UBE2R2: variants seen among roughly 807,000 people sequenced by gnomAD.
UBE2R2 encodes ubiquitin conjugating enzyme E2 R2.
Under a neutral mutation model 27.8 loss-of-function variants are expected in UBE2R2, and 1 was observed. The observed-to-expected ratio is 0.04, with a 90% CI of 0.01 to 0.17. The LOEUF (loss-of-function observed/expected upper bound fraction) is 0.17. Ranked by LOEUF, UBE2R2 falls within the 10% of genes least tolerant of loss-of-function variation. UBE2R2 has a pLI of 1.00. For synonymous variants in UBE2R2, 106 were observed against 113.3 expected (o/e 0.94, Z 0.41); for missense variants, 100 against 291.0 (o/e 0.34, Z 4.78).
chr9:33,871,843 T>C (rs1420190410), intron 1 of UBE2R2, among the ~76,000 whole-genome samples: 2 of 152,178 alleles, frequency 1.3e-5, no homozygotes, highest in Non-Finnish European at 2.9e-5. Flanking sequence ...CCTGAGTAGC[T>C]GGGACTACAG....
chr9:33,856,548 T>C (rs1284156267), intron 1 of UBE2R2, among the ~76,000 whole-genome samples: 1 of 152,134 alleles, frequency 6.6e-6, no homozygotes, highest in Admixed American at 6.6e-5. Context: ...CAGCCTTACC[T>C]TTACCACCAT....
chr9:33,833,446 G>A (rs1820542732), intron 1 of UBE2R2, among the ~76,000 whole-genome samples: 2 of 152,082 alleles, frequency 1.3e-5, no homozygotes, highest in Admixed American at 6.6e-5. Context: ...CACCTGCCTC[G>A]GCCTCCCAAA....
At chr9:33,891,816 T>C (rs1821993151) in intron 2 of UBE2R2, among the ~76,000 whole-genome samples, 2 of 151,566 alleles carry the variant, frequency 1.3e-5, no homozygotes, top group African/African-American at 4.8e-5. Context: ...TGCAAAACTT[T>C]CTGTTGTTGT....
chr9:33,848,837 C>T (rs1478402362), intron 1 of UBE2R2, among the ~76,000 whole-genome samples: 1 of 151,964 alleles, frequency 6.6e-6, no homozygotes, highest in Non-Finnish European at 1.5e-5. Flanking sequence ...CTCTTGACCT[C>T]AGGTGATCCA....
chr9:33,848,979 G>T (rs906820205), intron 1 of UBE2R2, among the ~76,000 whole-genome samples: 12 of 151,988 alleles, frequency 7.9e-5, no homozygotes, highest in Admixed American at 7.9e-4. Flanking sequence ...TGTTTAGGCC[G>T]GGTGCCGTGG....
At chr9:33,815,887 T>C (rs969548940), upstream of UBE2R2, among the ~76,000 whole-genome samples, 2 of 152,226 alleles carry the variant, frequency 1.3e-5, no homozygotes, top group East Asian at 1.9e-4. Flanking sequence ...ATTGCTTGTG[T>C]TGGGTATAAT....
chr9:33,839,105 G>A (rs1021127935), intron 1 of UBE2R2, among the ~76,000 whole-genome samples: 1 of 151,632 alleles, frequency 6.6e-6, no homozygotes, highest in East Asian at 1.9e-4. Context: ...AAAAGTTGCT[G>A]TGGTCTGAAT....
intron 1 of UBE2R2, among the ~76,000 whole-genome samples, chr9:33,863,639 A>G (rs992519102): frequency 6.6e-6 from 1 of 152,152 alleles, no homozygotes; most frequent in Non-Finnish European, 1.5e-5. Flanking sequence ...TTAAACTTAT[A>G]TTAAGGACAT....
rs1002024927 is a variant in UBE2R2, at chr9:33,844,539, T to A, written c.177+26605T>A. Among the ~76,000 whole-genome samples, 6 of 125,146 alleles carry A rather than the reference T, an allele frequency of 4.8e-5. No individual in the cohort carries two copies. The East Asian group carries it at 1.3e-3, about 27-fold the overall frequency. 82.1% of individuals were successfully genotyped at this position (125,146 alleles called of 152,430 possible). A position where few individuals can be genotyped will look rare whatever the true frequency, so the allele number is the denominator to read the frequency against. The stretch of plus-strand genomic sequence containing the variant: ...TATTTTTTTTTTTTTTTTTTTTTTT[T>A]ACCATCAGTTGTAATGTTTCTTTAG... On this transcript the variant is annotated intron_variant, in intron 1 of 4. Transcript: ENST00000263228.
intron 1 of UBE2R2, among the ~76,000 whole-genome samples, chr9:33,863,046 G>GGC (rs1188177800): frequency 5.3e-5 from 8 of 152,054 alleles, no homozygotes; most frequent in Admixed American, 3.9e-4. Flanking sequence ...AAATTAGCCA[G>GGC]GCATGGTGGC....
At chr9:33,825,479 A>G (rs548631914) in intron 1 of UBE2R2, among the ~76,000 whole-genome samples, 93 of 151,974 alleles carry the variant, frequency 6.1e-4, no homozygotes, top group Non-Finnish European at 1.1e-3. Flanking sequence ...GACCTCAGGT[A>G]ATCCACCCAC....
chr9:33,892,613 T>C (rs1822016021), intron 2 of UBE2R2, among the ~76,000 whole-genome samples: 1 of 152,164 alleles, frequency 6.6e-6, no homozygotes, highest in African/African-American at 2.4e-5. Context: ...AAATTTGTAC[T>C]TTTCAGAGCT....
intron 1 of UBE2R2, among the ~76,000 whole-genome samples, chr9:33,857,561 C>T (rs1821136895): frequency 6.6e-6 from 1 of 152,038 alleles, no homozygotes; most frequent in African/African-American, 2.4e-5. Context: ...GGTGATCCAC[C>T]CACCTTGGCC....
chr9:33,874,545 A>G (rs1392001592), intron 1 of UBE2R2, among the ~76,000 whole-genome samples: 1 of 152,088 alleles, frequency 6.6e-6, no homozygotes. Flanking sequence ...AGAAATATAT[A>G]TGCACACATT....
intron 1 of UBE2R2, among the ~76,000 whole-genome samples, chr9:33,818,379 GGGGGT>G (rs1173599409): frequency 5.9e-5 from 8 of 134,864 alleles, no homozygotes; most frequent in African/African-American, 1.9e-4. Context: ...GGGTGGGGGT[GGGGGT>G]GGGGTGGGGG....
At chr9:33,905,967 C>T (rs961735478) in intron 3 of UBE2R2, among the ~76,000 whole-genome samples, 4 of 152,150 alleles carry the variant, frequency 2.6e-5, no homozygotes, top group Admixed American at 2.6e-4. Flanking sequence ...CATCACATTA[C>T]GCTGGGTCTA....
chr9:33,866,279 C>G (rs931959215), intron 1 of UBE2R2, among the ~76,000 whole-genome samples: 16 of 151,636 alleles, frequency 1.1e-4, no homozygotes, highest in Non-Finnish European at 1.3e-4. Flanking sequence ...TGCTCCCTCA[C>G]CCAGGCTGGA....
intron 1 of UBE2R2, among the ~76,000 whole-genome samples, chr9:33,851,786 A>G (rs1033937247): frequency 3.3e-5 from 5 of 152,166 alleles, no homozygotes; most frequent in Admixed American, 2.0e-4. Flanking sequence ...ATTTATTTAT[A>G]TCTCAATGGA....
chr9:33,912,872 G>A (rs374522626), intron 4 of UBE2R2, among the ~76,000 whole-genome samples: 1 of 151,984 alleles, frequency 6.6e-6, no homozygotes, highest in African/African-American at 2.4e-5. Flanking sequence ...TAGGACATCA[G>A]GTTCTTATAA....
Sources: gnomAD v4.1 joint callset for allele counts (sites outside exome capture counted in the v4.1 genomes callset) on GRCh38, gnomAD v4.1.1 for gene constraint, MANE v1.5 for transcripts, NCBI Gene and HGNC (gene_info 2026-07-23, HGNC 2026-07-21) for gene names.